Variants in GDNF observed in about 807,000 individuals in gnomAD.
GDNF encodes glial cell derived neurotrophic factor, also known as glial cell line-derived neurotrophic factor.
GDNF carries 5 observed loss-of-function variants against 13.7 expected under a neutral mutation model. That is an observed-to-expected ratio of 0.36 (90% CI 0.19 to 0.77). GDNF has a LOEUF of 0.77. Ranked by LOEUF, GDNF falls within the 30% of genes least tolerant of loss-of-function variation. GDNF has a pLI of 0.51. For missense variants in GDNF, 246 were observed against 274.3 expected (o/e 0.90, Z 0.73); for synonymous variants, 122 against 112.5 (o/e 1.08, Z -0.53).
chr5:37,832,685 C>T (rs1010600703), intron 2 of GDNF, among the ~76,000 whole-genome samples: 4 of 152,194 alleles, frequency 2.6e-5, no homozygotes, highest in Non-Finnish European at 5.9e-5. Context: ...AACTCGCTTG[C>T]TTTGTGACTA....
At chr5:37,835,098 G>C (rs1750657758) in intron 1 of GDNF, among the ~76,000 whole-genome samples, 1 of 152,034 alleles carries the variant, frequency 6.6e-6, no homozygotes, top group Non-Finnish European at 1.5e-5. Flanking sequence ...AAGCAGGGCT[G>C]CTGTCCCCTC....
intron 2 of GDNF, among the ~76,000 whole-genome samples, chr5:37,831,033 C>G (rs1239596512): frequency 6.6e-6 from 1 of 152,184 alleles, no homozygotes; most frequent in Non-Finnish European, 1.5e-5. Flanking sequence ...TTTTTGTGGG[C>G]TAGCCTGAAA....
intron 2 of GDNF, among the ~76,000 whole-genome samples, chr5:37,819,425 C>G (rs1750042285): frequency 6.6e-6 from 1 of 151,258 alleles, no homozygotes; most frequent in African/African-American, 2.4e-5. Flanking sequence ...CTTAAGGGGG[C>G]CCAGGGAAGT....
rs968124835 is a variant in GDNF, at chr5:37,815,133, C to T, written c.*518G>A. The stretch of plus-strand genomic sequence containing the variant: ...TGCTTTTTTTTTCCCCTCTCCTTTC[C>T]AGGGTATGTCTCCACTGAGTGACAG... On this transcript the variant is annotated 3_prime_UTR_variant, in exon 3 of 3. Transcript: ENST00000326524. This position sits in a 1 kb window ranked among gnomAD's most constrained non-coding sequence, Gnocchi z 5.0. The T allele has an allele frequency of 6.3e-6, 1 of 158,168 alleles. No homozygotes were observed. The highest frequency in any genetic ancestry group is 1.4e-5 in the Non-Finnish European group (1 of 71,630). 9.8% of individuals were successfully genotyped at this position (158,168 alleles called of 1,614,324 possible). A position where few individuals can be genotyped will look rare whatever the true frequency, so the allele number is the denominator to read the frequency against.
At chr5:37,830,955 C>T (rs1750504547) in intron 2 of GDNF, among the ~76,000 whole-genome samples, 1 of 152,116 alleles carries the variant, frequency 6.6e-6, no homozygotes, top group Admixed American at 6.5e-5. Context: ...GGATGTGCCC[C>T]CCAGGGCAGA....
chr5:37,832,745 G>A (rs1750566534), intron 2 of GDNF, among the ~76,000 whole-genome samples: 2 of 152,278 alleles, frequency 1.3e-5, no homozygotes, highest in South Asian at 4.1e-4. Context: ...TCAAGCCATG[G>A]TGATTCAAGT....
In GDNF at chr5:37,815,302, G is replaced by A. The variant is rs1040055321; in HGVS notation, c.*349C>T. On this transcript the variant is annotated 3_prime_UTR_variant, in exon 3 of 3. Coordinates refer to ENST00000326524, the MANE Select transcript of GDNF (RefSeq NM_000514.4). The surrounding 1 kb of genome is among the most constrained non-coding windows in gnomAD (Gnocchi z 5.0). Reference sequence around the variant, plus strand: ...GTTCAAGTGCATCCACCGCAACCGCGCCGGTAATCAGTGATGGTGGACTGT... The same window carrying A: ...GTTCAAGTGCATCCACCGCAACCGCACCGGTAATCAGTGATGGTGGACTGT... 1.7e-5 allele frequency: 6 copies of A among 360,314 alleles called. No individual in the cohort carries two copies. Among genetic ancestry groups the A allele is most frequent in the East Asian group, 1.2e-4 (2 of 16,168 alleles). 22.3% of individuals were successfully genotyped at this position (360,314 alleles called of 1,614,324 possible). A position where few individuals can be genotyped will look rare whatever the true frequency, so the allele number is the denominator to read the frequency against.
intron 2 of GDNF, among the ~76,000 whole-genome samples, chr5:37,822,639 T>C (rs1750180324): frequency 6.6e-6 from 1 of 152,252 alleles, no homozygotes; most frequent in Admixed American, 6.5e-5. Context: ...ACATTTAATC[T>C]GGTATTCTTT....
chr5:37,824,881 A>C (rs1008648304), intron 2 of GDNF, among the ~76,000 whole-genome samples: 1 of 152,206 alleles, frequency 6.6e-6, no homozygotes, highest in Non-Finnish European at 1.5e-5. Flanking sequence ...TCTCTTCAGG[A>C]CCAGTGGTTT....
chr5:37,815,935 A>AAC lies in GDNF; in HGVS notation c.350_351dup (p.Cys118ValfsTer4). On this transcript the variant is annotated frameshift_variant, in exon 3 of 3. Coordinates refer to ENST00000326524, the MANE Select transcript of GDNF (RefSeq NM_000514.4). LOFTEE classifies it high-confidence loss of function. This position sits in a 1 kb window ranked among gnomAD's most constrained non-coding sequence, Gnocchi z 5.0. ...TTTAAATGTATTGCAGTTAAGACAC[A>AAC]ACCCCGGTTTTTGCCCCTCTGGCCT... 6.2e-7 allele frequency: 1 copy of AAC among 1,614,208 alleles called. No homozygotes were observed. The highest frequency in any genetic ancestry group is 1.7e-5 in the Admixed American group (1 of 60,030).
intron 2 of GDNF, among the ~76,000 whole-genome samples, chr5:37,833,072 GCCAGA>G (rs1175888869): frequency 6.6e-6 from 1 of 152,228 alleles, no homozygotes. Context: ...AGGAGCCTGA[GCCAGA>G]ATTAAATGAA....
Position 37,838,192 on chromosome 5 carries a change from C to T in GDNF, c.-27+1315G>A, listed in dbSNP as rs1273027158. ...CTCGCAGGCAAACTGGGAAAGCGGT[C>T]TGTTTAAAGGGCCAGGTTCCAGGCC... is the stretch of plus-strand genomic sequence containing the variant. On this transcript the variant is annotated intron_variant, in intron 1 of 2. Coordinates refer to ENST00000326524, the MANE Select transcript of GDNF (RefSeq NM_000514.4). This position sits in a 1 kb window ranked among gnomAD's most constrained non-coding sequence, Gnocchi z 4.1. Among the ~76,000 whole-genome samples the T allele has an allele frequency of 2.0e-5, 3 of 152,088 alleles. No individual in the cohort carries two copies. Among genetic ancestry groups the T allele is most frequent in the African/African-American group, 7.2e-5 (3 of 41,382 alleles).
intron 2 of GDNF, among the ~76,000 whole-genome samples, chr5:37,816,957 A>G (rs1453987814): frequency 6.6e-6 from 1 of 152,246 alleles, no homozygotes; most frequent in African/African-American, 2.4e-5. Context: ...ACTTTAACAA[A>G]AAAGTCCAGT....
chr5:37,815,511 CTCCTCCTCCTCT>C lies in GDNF; in HGVS notation c.*128_*139del, dbSNP rs1280627866. 3.9e-6 allele frequency: 3 copies of C among 775,072 alleles called. No individual in the cohort carries two copies. The African/African-American group carries it at 5.2e-5, about 13-fold the overall frequency. 48.0% of individuals were successfully genotyped at this position (775,072 alleles called of 1,614,324 possible). On this transcript the variant is annotated 3_prime_UTR_variant, in exon 3 of 3. Coordinates refer to ENST00000326524, the MANE Select transcript of GDNF (RefSeq NM_000514.4). The surrounding 1 kb of genome is among the most constrained non-coding windows in gnomAD (Gnocchi z 5.0). ...CTTCCTCCTCCTCCTCCTCCTCCTC[CTCCTCCTCCTCT>C]TCTTCTTCCTCCTCCTCCGCCTCCT...
intron 2 of GDNF, among the ~76,000 whole-genome samples, chr5:37,830,069 A>G (rs1485974591): frequency 6.6e-6 from 1 of 152,222 alleles, no homozygotes; most frequent in Non-Finnish European, 1.5e-5. Flanking sequence ...GTATTTCATA[A>G]CATTAGATTT....
chr5:37,817,602 AGAGT>A (rs1749978240), intron 2 of GDNF, among the ~76,000 whole-genome samples: 1 of 112,892 alleles, frequency 8.9e-6, no homozygotes, highest in African/African-American at 3.1e-5. Context: ...ACGTGTGTGT[AGAGT>A]GTGTGTGTGT....
intron 2 of GDNF, among the ~76,000 whole-genome samples, chr5:37,832,994 T>C (rs1750573314): frequency 6.6e-6 from 1 of 152,234 alleles, no homozygotes. Context: ...GGCTTCTCTT[T>C]ATGGTACAGT....
At position 37,838,118 on chromosome 5, in the gene GDNF, A is replaced by G. The variant is rs1750774000; in HGVS notation, c.-27+1389T>C. Among the ~76,000 whole-genome samples, 1 of 149,628 alleles carries G rather than the reference A, an allele frequency of 6.7e-6. No homozygotes were observed. The highest frequency in any genetic ancestry group is 2.5e-5 in the African/African-American group (1 of 40,430). On this transcript the variant is annotated intron_variant, in intron 1 of 2. Coordinates refer to ENST00000326524, the MANE Select transcript of GDNF (RefSeq NM_000514.4). The surrounding 1 kb of genome is among the most constrained non-coding windows in gnomAD (Gnocchi z 4.1). ...GGACTTATTCTCCCCTCAACCCCCC[A>G]TAACTGCGGGGCCCAAGATGAGGGA...
At chr5:37,823,007 C>T (rs1271478729) in intron 2 of GDNF, among the ~76,000 whole-genome samples, 1 of 152,224 alleles carries the variant, frequency 6.6e-6, no homozygotes, top group East Asian at 1.9e-4. Flanking sequence ...CAGGCTATAA[C>T]TTAGATAAGA....
Sources: allele counts gnomAD v4.1 joint callset (sites outside exome capture counted in the v4.1 genomes callset), GRCh38; gene constraint gnomAD v4.1.1; non-coding constraint Gnocchi (gnomAD v3.1); transcripts MANE v1.5; gene names NCBI Gene and HGNC (gene_info 2026-07-23, HGNC 2026-07-21).